TAFA1: variants seen among roughly 807,000 people sequenced by gnomAD.
TAFA1 encodes TAFA chemokine like family member 1.
TAFA1 carries 4 observed loss-of-function variants against 18.5 expected under a neutral mutation model. That is an observed-to-expected ratio of 0.22 (90% CI 0.11 to 0.49). The LOEUF (loss-of-function observed/expected upper bound fraction) is 0.49, where lower values mean the gene tolerates loss of function less well. Ranked by LOEUF, TAFA1 falls within the 20% of genes least tolerant of loss-of-function variation. The probability of loss-of-function intolerance (pLI) is 0.98; values close to 1 mark genes in which losing one functional copy is unlikely to be tolerated. For missense variants in TAFA1, 147 were observed against 169.0 expected (o/e 0.87, Z 0.72); for synonymous variants, 56 against 55.2 (o/e 1.01, Z -0.06).
chr3:68,483,915 T>G (rs2072285419), intron 3 of TAFA1, among the ~76,000 whole-genome samples: 1 of 152,234 alleles, frequency 6.6e-6, no homozygotes, highest in African/African-American at 2.4e-5. Context: ...AAGCTTGATT[T>G]TATGCCTTGG....
At chr3:68,053,946 C>A (rs1375891145) in intron 2 of TAFA1, among the ~76,000 whole-genome samples, 2 of 152,112 alleles carry the variant, frequency 1.3e-5, no homozygotes, top group Non-Finnish European at 2.9e-5. Flanking sequence ...CTCAAGTGAT[C>A]CTCCTACCTT....
At chr3:68,145,778 G>A in intron 2 of TAFA1, 3 of 572,274 alleles carry the variant, frequency 5.2e-6, no homozygotes, top group Non-Finnish European at 9.3e-6. Context: ...AGAATAAAAA[G>A]AAAAAAGATG....
chr3:68,489,954 A>G (rs1457634209), intron 3 of TAFA1, among the ~76,000 whole-genome samples: 1 of 152,214 alleles, frequency 6.6e-6, no homozygotes, highest in Non-Finnish European at 1.5e-5. Context: ...TTGACAAACT[A>G]TGGTTATTCA....
intron 3 of TAFA1, among the ~76,000 whole-genome samples, chr3:68,499,728 G>A (rs2072624620): frequency 6.6e-6 from 1 of 151,844 alleles, no homozygotes; most frequent in Admixed American, 6.6e-5. Flanking sequence ...TATGAATAAT[G>A]GAGGTGATTT....
At chr3:68,092,547 A>AC (rs1161797984) in intron 2 of TAFA1, among the ~76,000 whole-genome samples, 1 of 152,190 alleles carries the variant, frequency 6.6e-6, no homozygotes, top group African/African-American at 2.4e-5. Flanking sequence ...GACCAGTGAT[A>AC]AATGGACAAG....
chr3:68,213,589 T>C (rs1047424564), intron 2 of TAFA1, among the ~76,000 whole-genome samples: 2 of 152,092 alleles, frequency 1.3e-5, no homozygotes, highest in Non-Finnish European at 2.9e-5. Flanking sequence ...ATATGAAAGA[T>C]ATTAGATCTT....
intron 2 of TAFA1, among the ~76,000 whole-genome samples, chr3:68,320,514 C>T (rs2068682307): frequency 6.6e-6 from 1 of 152,104 alleles, no homozygotes; most frequent in African/African-American, 2.4e-5. Context: ...TGCAGCAAGC[C>T]TATCTCCTCC....
At chr3:68,348,108 G>T (rs895196098) in intron 2 of TAFA1, among the ~76,000 whole-genome samples, 12 of 152,110 alleles carry the variant, frequency 7.9e-5, no homozygotes, top group African/African-American at 2.9e-4. Context: ...AAAGGTAAAA[G>T]TGCCACCCAC....
chr3:68,163,232 A>G (rs1411638289), intron 2 of TAFA1, among the ~76,000 whole-genome samples: 1 of 152,216 alleles, frequency 6.6e-6, no homozygotes, highest in Non-Finnish European at 1.5e-5. Context: ...AGTACTGACG[A>G]TGGTGAAAAA....
At chr3:68,124,092 T>A (rs2065435759) in intron 2 of TAFA1, among the ~76,000 whole-genome samples, 1 of 152,160 alleles carries the variant, frequency 6.6e-6, no homozygotes, top group Admixed American at 6.5e-5. Flanking sequence ...TGTGTTAGCC[T>A]TCATGTATAG....
Position 68,429,079 on chromosome 3 carries a change from C to G in TAFA1, c.259+11659C>G, listed in dbSNP as rs1471841526. On this transcript the variant is annotated intron_variant, in intron 3 of 4. Coordinates refer to ENST00000478136, the MANE Select transcript of TAFA1 (RefSeq NM_213609.4). ...AAACTGAAATACTGATTTCAGCAGG[C>G]AGCCCATTTGTGTTCCCCATAGCTC... 2.0e-5 allele frequency among the ~76,000 whole-genome samples: 3 copies of G among 151,982 alleles called. No individual in the cohort carries two copies. The East Asian group carries it at 5.8e-4, about 29-fold the overall frequency.
chr3:67,999,274 C>CT (rs1214933301), upstream of TAFA1, among the ~76,000 whole-genome samples: 2,443 of 17,566 alleles, frequency 0.14, 74 homozygotes, highest in African/African-American at 0.21. Context: ...CTATCCCCCC[C>CT]CCCCCCCTCT....
At chr3:68,111,173 G>A (rs1233282539) in intron 2 of TAFA1, among the ~76,000 whole-genome samples, 1 of 152,108 alleles carries the variant, frequency 6.6e-6, no homozygotes, top group Non-Finnish European at 1.5e-5. Flanking sequence ...CATAATCAAA[G>A]ATAACCAGGT....
intron 2 of TAFA1, among the ~76,000 whole-genome samples, chr3:68,384,933 T>A (rs560610139): frequency 6.6e-6 from 1 of 152,270 alleles, no homozygotes; most frequent in South Asian, 2.1e-4. Flanking sequence ...TCTTTGTCTT[T>A]TTTCATCTTT....
chr3:68,520,812 C>CA (rs1329458093), intron 3 of TAFA1, among the ~76,000 whole-genome samples: 2 of 152,208 alleles, frequency 1.3e-5, no homozygotes, highest in East Asian at 3.9e-4. Context: ...AATATTAATG[C>CA]AAAATCTCAT....
chr3:68,039,323 A>G (rs749255744), intron 2 of TAFA1, among the ~76,000 whole-genome samples: 6 of 152,186 alleles, frequency 3.9e-5, no homozygotes, highest in Non-Finnish European at 5.9e-5. Context: ...TTATAGAATA[A>G]TACATGAATA....
At chr3:68,020,460 C>A (rs770031481) in intron 2 of TAFA1, among the ~76,000 whole-genome samples, 1 of 151,686 alleles carries the variant, frequency 6.6e-6, no homozygotes, top group Non-Finnish European at 1.5e-5. Context: ...TAAGACATAG[C>A]GATAATGTGT....
intron 2 of TAFA1, among the ~76,000 whole-genome samples, chr3:68,025,601 TCTC>T (rs1704797474): frequency 6.6e-6 from 1 of 152,094 alleles, no homozygotes; most frequent in Admixed American, 6.6e-5. Context: ...CACAGCATCT[TCTC>T]CTACTTCACT....
At chr3:68,350,729 T>C (rs146645944) in intron 2 of TAFA1, among the ~76,000 whole-genome samples, 86 of 152,188 alleles carry the variant, frequency 5.7e-4, no homozygotes, top group African/African-American at 2.0e-3. Context: ...CAGACACAAT[T>C]AAGCATTGAT....
Sources: gnomAD v4.1 joint callset for allele counts (sites outside exome capture counted in the v4.1 genomes callset) on GRCh38, gnomAD v4.1.1 for gene constraint, MANE v1.5 for transcripts, NCBI Gene and HGNC (gene_info 2026-07-23, HGNC 2026-07-21) for gene names.